The following KLF11 variants were observed in gnomAD, a reference collection of about 807,000 sequenced individuals.
KLF11 encodes the protein Krueppel-like factor 11.
Under a neutral mutation model 29.9 loss-of-function variants are expected in KLF11, and 26 were observed. That is an observed-to-expected ratio of 0.87 (90% CI 0.64 to 1.21). The LOEUF (loss-of-function observed/expected upper bound fraction) is 1.21. Ranked by LOEUF, KLF11 falls within the 50% of genes most tolerant of loss-of-function variation. The probability of loss-of-function intolerance (pLI) is 0.00; values close to 1 mark genes in which losing one functional copy is unlikely to be tolerated. For synonymous variants in KLF11, 318 were observed against 257.4 expected (o/e 1.24, Z -2.25); for missense variants, 778 against 665.7 (o/e 1.17, Z -1.86).
rs921580814 is a variant in KLF11 at position 10,053,893 on chromosome 2, ATTTT to A, written c.*1391_*1394del. 1 of 153,174 alleles carries A rather than the reference ATTTT, an allele frequency of 6.5e-6. No individual in the cohort carries two copies. The highest frequency in any genetic ancestry group is 1.5e-5 in the Non-Finnish European group (1 of 68,728). 9.5% of individuals were successfully genotyped at this position (153,174 alleles called of 1,614,324 possible). On this transcript the variant is annotated 3_prime_UTR_variant, in exon 4 of 4. Transcript: ENST00000305883. The stretch of plus-strand genomic sequence containing the variant: ...GTTGCACTAATTTGGTAGCCTGGGA[ATTTT>A]TTTTATTGTGCAGTATGTATTTAAA...
chr2:10,044,589 C>G (rs1191232797), intron 1 of KLF11: 1 of 222,592 alleles, frequency 4.5e-6, no homozygotes, highest in Non-Finnish European at 7.5e-6. Flanking sequence ...AGCTTTGATG[C>G]TTTGGTGCAT....
chr2:10,043,672 GC>G lies in KLF11; in HGVS notation c.-44del. On this transcript the variant is annotated 5_prime_UTR_variant, in exon 1 of 4. Coordinates refer to ENST00000305883, the MANE Select transcript of KLF11 (RefSeq NM_003597.5). ...CACGTGCGGCCGCTGCTGCGCCCGA[GC>G]TCACGCCCCGCGGCCGCTTTGTTGC... The G allele has an allele frequency of 2.4e-6, 3 of 1,265,266 alleles. No homozygotes were observed. The highest frequency in any genetic ancestry group is 3.0e-6 in the Non-Finnish European group (3 of 984,468). The allele number at this position is 1,265,266 out of a possible 1,614,324, so 78.4% of individuals were successfully genotyped here.
At chr2:10,048,656 T>G in intron 3 of KLF11, 61 bp downstream of exon 3, 1 of 1,283,158 alleles carries the variant, frequency 7.8e-7, no homozygotes, top group East Asian at 2.3e-5. Flanking sequence ...GAAGCACACC[T>G]TGAGCCGCCT....
At chr2:10,043,908 C>A in intron 1 of KLF11, 150 bp downstream of exon 1, 1 of 1,025,542 alleles carries the variant, frequency 9.8e-7, no homozygotes, top group Non-Finnish European at 1.2e-6. Context: ...GGGCGGGCTC[C>A]GGAGCCGGGC....
At position 10,053,467 on chromosome 2, in the gene KLF11, A is replaced by C; in HGVS notation, c.*960A>C. 1 of 398,666 alleles carries C rather than the reference A, an allele frequency of 2.5e-6. No individual in the cohort carries two copies. Among genetic ancestry groups the C allele is most frequent in the Non-Finnish European group, 4.4e-6 (1 of 226,070 alleles). The allele number at this position is 398,666 out of a possible 1,614,324, so 24.7% of individuals were successfully genotyped here. A position where few individuals can be genotyped will look rare whatever the true frequency, so the allele number is the denominator to read the frequency against. On this transcript the variant is annotated 3_prime_UTR_variant, in exon 4 of 4. Transcript: ENST00000305883. ...ATTGTGGGTAGAGTAACTTCTCAGA[A>C]AAAAAGGAAATGTCTGTATTGGTTG... is the stretch of plus-strand genomic sequence containing the variant.
rs768811700 is a variant in KLF11 at position 10,046,396 on chromosome 2, G to A, written c.289G>A (p.Asp97Asn). The A allele has an allele frequency of 6.2e-7, 1 of 1,614,026 alleles. No homozygotes were observed. Among genetic ancestry groups the A allele is most frequent in the African/African-American group, 1.3e-5 (1 of 74,938 alleles). ...TGCAGCCACACCTGAACTACCAAAA[G>A]ACTTCCATTCTTTATCGACTCTGGT... is the stretch of plus-strand genomic sequence containing the variant. ...MDAATPELPKDFHSLSTLCIT... is the reference protein window; with the variant it reads ...MDAATPELPKNFHSLSTLCIT... Residue 97 changes from aspartate (D) to asparagine (N), a missense_variant, in exon 2 of 4, where the codon GAC becomes AAC. Transcript: ENST00000305883.
At position 10,047,927 on chromosome 2, in the gene KLF11, T is replaced by C. The variant is rs757786547; in HGVS notation, c.590T>C (p.Leu197Pro). Residue 197 changes from leucine to proline, a missense_variant, in exon 3 of 4, where the codon CTT (leucine) becomes CCT (proline). Transcript: ENST00000305883. ...ACCATCCAGACTCCAGATTGCCGGC[T>C]TTCTGACAGCAGAGAAGGAGAAGAG... ...FPTIQTPDCR[L>P]SDSREGEEQL... 1.2e-6 allele frequency: 2 copies of C among 1,613,874 alleles called. No individual in the cohort carries two copies. The highest frequency in any genetic ancestry group is 1.7e-6 in the Non-Finnish European group (2 of 1,180,030).
At chr2:10,049,014 CTA>C (rs1352451688) in intron 3 of KLF11, among the ~76,000 whole-genome samples, 1 of 148,292 alleles carries the variant, frequency 6.7e-6, no homozygotes. Flanking sequence ...TCTGGCCAAA[CTA>C]TAGAAAAGTT....
At chr2:10,047,435 A>C (rs749716585) in intron 2 of KLF11, among the ~76,000 whole-genome samples, 11 of 152,222 alleles carry the variant, frequency 7.2e-5, no homozygotes, top group Admixed American at 1.3e-4. Flanking sequence ...AGTTCCCTGC[A>C]CTGGGCTCTT....
intron 1 of KLF11, among the ~76,000 whole-genome samples, chr2:10,045,462 A>G (rs1661163866): frequency 6.6e-6 from 1 of 151,960 alleles, no homozygotes; most frequent in Non-Finnish European, 1.5e-5. Context: ...GTGCCACTGC[A>G]CTCCAGCCTG....
chr2:10,048,928 T>TTC (rs1661320655), intron 3 of KLF11, among the ~76,000 whole-genome samples: 1 of 147,528 alleles, frequency 6.8e-6, no homozygotes, highest in South Asian at 2.1e-4. Context: ...TTTTTTTTTT[T>TTC]TTAAAGAAAA....
At chr2:10,044,618 G>A (rs890993725) in intron 1 of KLF11, among the ~76,000 whole-genome samples, 22 of 151,512 alleles carry the variant, frequency 1.5e-4, no homozygotes, top group Middle Eastern at 3.4e-3. Context: ...GAGAGGAAAC[G>A]TGTATCTTCG....
chr2:10,048,818 TGTA>T (rs1411534182), intron 3 of KLF11, among the ~76,000 whole-genome samples: 3 of 151,762 alleles, frequency 2.0e-5, no homozygotes, highest in African/African-American at 4.8e-5. Flanking sequence ...GAAGATAAAA[TGTA>T]GTATAGTTCT....
chr2:10,052,588 C>A lies in KLF11; in HGVS notation c.*81C>A. 1 of 1,479,266 alleles carries A rather than the reference C, an allele frequency of 6.8e-7. No individual in the cohort carries two copies. The highest frequency in any genetic ancestry group is 9.3e-7 in the Non-Finnish European group (1 of 1,077,476). The allele number at this position is 1,479,266 out of a possible 1,614,324, so 91.6% of individuals were successfully genotyped here. A position where few individuals can be genotyped will look rare whatever the true frequency, so the allele number is the denominator to read the frequency against. ...GAACTGATGGATTCCTCTCCCACTG[C>A]CTCACCCAAAAAAAACGGTCTTGGC... On this transcript the variant is annotated 3_prime_UTR_variant, in exon 4 of 4. Coordinates refer to ENST00000305883, the MANE Select transcript of KLF11 (RefSeq NM_003597.5).
intron 2 of KLF11, among the ~76,000 whole-genome samples, chr2:10,046,780 G>A (rs372406415): frequency 8.5e-5 from 13 of 152,262 alleles, no homozygotes; most frequent in Admixed American, 3.9e-4. Context: ...GCTTGAACCC[G>A]GGAGGCGGAG....
intron 2 of KLF11, among the ~76,000 whole-genome samples, chr2:10,047,246 C>G (rs1290020151): frequency 6.6e-6 from 1 of 152,148 alleles, no homozygotes; most frequent in Non-Finnish European, 1.5e-5. Flanking sequence ...TGCATCTCAG[C>G]TTGGAGAAGC....
chr2:10,047,321 AAAG>A (rs971263738), intron 2 of KLF11, among the ~76,000 whole-genome samples: 56 of 152,344 alleles, frequency 3.7e-4, no homozygotes, highest in African/African-American at 1.2e-3. Context: ...GCTTGCTCTG[AAAG>A]AAGAGTGTAG....
intron 3 of KLF11, among the ~76,000 whole-genome samples, chr2:10,049,309 C>T (rs980401816): frequency 1.2e-4 from 18 of 152,232 alleles, no homozygotes; most frequent in African/African-American, 4.3e-4. Flanking sequence ...GGACCTGTGG[C>T]TGCCCTGCTG....
rs529632824 is a variant in KLF11, at chr2:10,050,892, C to T, written c.1259-1335C>T. Among the ~76,000 whole-genome samples, 81 of 54,816 alleles carry T rather than the reference C, an allele frequency of 1.5e-3. 3 individuals carry two copies. Among genetic ancestry groups the T allele is most frequent in the Admixed American group, 5.9e-3 (19 of 3,196 alleles). 36.0% of individuals were successfully genotyped at this position (54,816 alleles called of 152,430 possible). On this transcript the variant is annotated intron_variant, in intron 3 of 3. Coordinates refer to ENST00000305883, the MANE Select transcript of KLF11 (RefSeq NM_003597.5). ...GTAAGGTAGAGTGAATAGATGCTAC[C>T]TTTTTTTTTTTTTTTTTTTTTTTTT...
Sources: gnomAD v4.1 joint callset for allele counts (sites outside exome capture counted in the v4.1 genomes callset) on GRCh38, gnomAD v4.1.1 for gene constraint, MANE v1.5 for transcripts, NCBI Gene and HGNC (gene_info 2026-07-23, HGNC 2026-07-21) for gene names.